KCNMA1: variants seen among roughly 807,000 people sequenced by gnomAD.
KCNMA1 encodes potassium calcium-activated channel subfamily M alpha 1, also known as Calcium-activated potassium channel subunit alpha-1.
KCNMA1 carries 29 observed loss-of-function variants against 140.0 expected under a neutral mutation model. The ratio of observed to expected loss-of-function variants is 0.21; its 90% CI spans 0.15 to 0.28. The LOEUF (loss-of-function observed/expected upper bound fraction) is 0.28, where lower values mean the gene tolerates loss of function less well. Among genes scored for constraint, KCNMA1 ranks in the 10% least tolerant of loss-of-function variants. The pLI is 1.00. For missense variants in KCNMA1, 880 were observed against 1,602.2 expected (o/e 0.55, Z 7.70); for synonymous variants, 612 against 611.9 (o/e 1.00, Z 0.00).
chr10:77,371,204 T>C (rs1566344453), intron 2 of KCNMA1, among the ~76,000 whole-genome samples: 1 of 152,188 alleles, frequency 6.6e-6, no homozygotes, highest in African/African-American at 2.4e-5. Flanking sequence ...TTGTCCTGGG[T>C]TTGTGGTTCT....
chr10:77,247,558 G>T (rs2058811343), intron 3 of KCNMA1, among the ~76,000 whole-genome samples: 1 of 152,164 alleles, frequency 6.6e-6, no homozygotes, highest in Non-Finnish European at 1.5e-5. Flanking sequence ...GGGAGGACAG[G>T]GTTGGCGTTG....
rs549831015 is a variant in KCNMA1, at chr10:77,169,794, C to T, written c.808+13627G>A. 3.9e-5 allele frequency among the ~76,000 whole-genome samples: 6 copies of T among 152,288 alleles called. No individual in the cohort carries two copies. The South Asian group carries it at 1.2e-3, about 32-fold the overall frequency. On this transcript the variant is annotated intron_variant, in intron 5 of 27. Transcript: ENST00000286628. The stretch of plus-strand genomic sequence containing the variant: ...CCTTTATGAGCTGGGTTGCTAAATT[C>T]CTACCTGGCCTTAAAGGGGTAAGTC...
At chr10:77,441,520 C>T (rs78883304) in intron 1 of KCNMA1, among the ~76,000 whole-genome samples, 7,108 of 152,134 alleles carry the variant, frequency 0.047, 581 homozygotes, top group African/African-American at 0.16. Context: ...TGGCACTCTG[C>T]GTCATCAGGG....
intron 2 of KCNMA1, among the ~76,000 whole-genome samples, chr10:77,370,036 G>A (rs1172668119): frequency 1.3e-5 from 2 of 152,072 alleles, no homozygotes; most frequent in Admixed American, 6.5e-5. Flanking sequence ...AGCAAGGTGG[G>A]GCATGACATA....
intron 1 of KCNMA1, among the ~76,000 whole-genome samples, chr10:77,510,531 A>G (rs1396304983): frequency 2.0e-5 from 3 of 152,164 alleles, no homozygotes; most frequent in Non-Finnish European, 4.4e-5. Context: ...GGGAAGCACA[A>G]AGATTGTTAT....
chr10:77,339,959 C>A (rs2090414506), intron 2 of KCNMA1, among the ~76,000 whole-genome samples: 1 of 152,188 alleles, frequency 6.6e-6, no homozygotes, highest in Non-Finnish European at 1.5e-5. Flanking sequence ...CAGACACTAT[C>A]TTGACATGAT....
rs1324685341 is a variant in KCNMA1 at position 77,233,070 on chromosome 10, T to C, written c.602+18125A>G. On this transcript the variant is annotated intron_variant, in intron 3 of 27. Coordinates refer to ENST00000286628, the MANE Select transcript of KCNMA1 (RefSeq NM_001161352.2). ...CCTGGCTAATGTTTAAAAAAGAAATTTGTAGAGACAGAGTCTCACTATGTT... is the reference window on the plus strand; with the variant it reads ...CCTGGCTAATGTTTAAAAAAGAAATCTGTAGAGACAGAGTCTCACTATGTT... Among the ~76,000 whole-genome samples, 4 of 152,236 alleles carry C rather than the reference T, an allele frequency of 2.6e-5. No homozygotes were observed. In the East Asian group the frequency reaches 5.8e-4, roughly 22 times the overall value.
At chr10:77,134,344 T>C (rs775803595) in intron 5 of KCNMA1, among the ~76,000 whole-genome samples, 1 of 151,852 alleles carries the variant, frequency 6.6e-6, no homozygotes, top group Non-Finnish European at 1.5e-5. Flanking sequence ...AAAGCATGTA[T>C]GTAAAATACT....
intron 20 of KCNMA1, among the ~76,000 whole-genome samples, chr10:76,966,196 T>C (rs2073870950): frequency 6.6e-6 from 1 of 152,190 alleles, no homozygotes; most frequent in South Asian, 2.1e-4. Flanking sequence ...TGGGAGCTAA[T>C]CTGAGAAAAA....
At chr10:76,969,610 C>T (rs768069212) in intron 20 of KCNMA1, among the ~76,000 whole-genome samples, 6 of 152,176 alleles carry the variant, frequency 3.9e-5, no homozygotes, top group East Asian at 1.9e-4. Flanking sequence ...AAGAGACTGC[C>T]GCAGGCAAAC....
At chr10:77,591,458 G>T (rs2079127006) in intron 1 of KCNMA1, among the ~76,000 whole-genome samples, 1 of 152,100 alleles carries the variant, frequency 6.6e-6, no homozygotes, top group African/African-American at 2.4e-5. Flanking sequence ...CTCAACATAG[G>T]GTTGCGAGAC....
chr10:77,262,402 G>C (rs1318799427), intron 2 of KCNMA1, among the ~76,000 whole-genome samples: 5 of 152,214 alleles, frequency 3.3e-5, no homozygotes, highest in African/African-American at 1.2e-4. Flanking sequence ...TTCCTTGGAA[G>C]TGGGAGAGAG....
intron 3 of KCNMA1, among the ~76,000 whole-genome samples, chr10:77,225,065 T>C (rs1481378658): frequency 6.6e-6 from 1 of 152,128 alleles, no homozygotes; most frequent in Non-Finnish European, 1.5e-5. Context: ...TATGAGTGAA[T>C]GAATAAAGCG....
At chr10:76,880,492 T>C (rs2034187619), downstream of KCNMA1, among the ~76,000 whole-genome samples, 1 of 152,178 alleles carries the variant, frequency 6.6e-6, no homozygotes, top group African/African-American at 2.4e-5. Context: ...GACTTGGTTA[T>C]GTAGGATGTT....
chr10:77,437,228 G>A (rs559733354), intron 1 of KCNMA1, among the ~76,000 whole-genome samples: 20 of 152,176 alleles, frequency 1.3e-4, no homozygotes, highest in African/African-American at 4.6e-4. Flanking sequence ...TGGAAGGATT[G>A]TAGTACCTGG....
chr10:77,106,644 C>T (rs757390650), intron 9 of KCNMA1, among the ~76,000 whole-genome samples: 5 of 152,212 alleles, frequency 3.3e-5, no homozygotes, highest in African/African-American at 4.8e-5. Flanking sequence ...GAAATGCTGG[C>T]GGAGACGTCA....
chr10:77,595,065 G>A (rs1424197087), intron 1 of KCNMA1, among the ~76,000 whole-genome samples: 1 of 152,212 alleles, frequency 6.6e-6, no homozygotes, highest in African/African-American at 2.4e-5. Context: ...GGTTTTAGTG[G>A]TCGGGCGCAG....
intron 1 of KCNMA1, among the ~76,000 whole-genome samples, chr10:77,463,712 T>G (rs574465961): frequency 6.6e-6 from 1 of 152,158 alleles, no homozygotes; most frequent in East Asian, 1.9e-4. Context: ...AGCTGAGAAG[T>G]GCTGTTTACT....
intron 3 of KCNMA1, among the ~76,000 whole-genome samples, chr10:77,225,628 TC>T (rs1194968593): frequency 2.0e-5 from 3 of 152,102 alleles, no homozygotes; most frequent in Non-Finnish European, 4.4e-5. Flanking sequence ...CATGGGAAAC[TC>T]CTGCGGCTGT....
Sources: allele counts gnomAD v4.1 joint callset (sites outside exome capture counted in the v4.1 genomes callset), GRCh38; gene constraint gnomAD v4.1.1; transcripts MANE v1.5; gene names NCBI Gene and HGNC (gene_info 2026-07-23, HGNC 2026-07-21).